Variants in SGIP1 observed in about 807,000 individuals in gnomAD.
SGIP1 encodes the protein SH3-containing GRB2-like protein 3-interacting protein 1.
A neutral mutation model predicts 107.5 loss-of-function variants in SGIP1; 38 were observed. The ratio of observed to expected loss-of-function variants is 0.35; its 90% CI spans 0.27 to 0.46. The LOEUF (loss-of-function observed/expected upper bound fraction) is 0.46, where lower values mean the gene tolerates loss of function less well. Ranked by LOEUF, SGIP1 falls within the 20% of genes least tolerant of loss-of-function variation. The pLI is 1.00. For synonymous variants in SGIP1, 365 were observed against 366.1 expected (o/e 1.00, Z 0.03); for missense variants, 929 against 1,019.5 (o/e 0.91, Z 1.21).
chr1:66,634,958 C>T (rs759518947), intron 3 of SGIP1, among the ~76,000 whole-genome samples: 8 of 152,204 alleles, frequency 5.3e-5, no homozygotes, highest in Non-Finnish European at 7.3e-5. Context: ...TCCTTCAGCC[C>T]TTGTTTCTAT....
At chr1:66,717,023 C>T (rs1028046356) in intron 18 of SGIP1, among the ~76,000 whole-genome samples, 12 of 152,146 alleles carry the variant, frequency 7.9e-5, no homozygotes. Context: ...TATCTTCATC[C>T]TCAGACCTCA....
chr1:66,639,077 C>G (rs1453763116), intron 4 of SGIP1, among the ~76,000 whole-genome samples: 2 of 152,166 alleles, frequency 1.3e-5, no homozygotes, highest in Non-Finnish European at 1.5e-5. Flanking sequence ...ACAAAGAAAA[C>G]TTTAAGAAGA....
Position 66,750,036 on chromosome 1 carries a change from GGTGTGTGT to G in SGIP1, c.*6966_*6973del, listed in dbSNP as rs1197339481. Among the ~76,000 whole-genome samples the G allele has an allele frequency of 8.4e-5, 10 of 119,044 alleles. No homozygotes were observed. Among genetic ancestry groups the G allele is most frequent in the South Asian group, 2.7e-4 (1 of 3,674 alleles). The allele number at this position is 119,044 out of a possible 152,430, so 78.1% of individuals were successfully genotyped here. A position where few individuals can be genotyped will look rare whatever the true frequency, so the allele number is the denominator to read the frequency against. Reference sequence around the variant, plus strand: ...CTCTCTTTCTCTGTGTGTGTGTGGGGGTGTGTGTGTGTGTGTGTGTGTGTGTGTGTGTC... The same window carrying G: ...CTCTCTTTCTCTGTGTGTGTGTGGGGGTGTGTGTGTGTGTGTGTGTGTGTC... On this transcript the variant is annotated 3_prime_UTR_variant, in exon 25 of 25. Coordinates refer to ENST00000371037, the MANE Select transcript of SGIP1 (RefSeq NM_032291.4).
rs144496057 is a variant in SGIP1, at chr1:66,592,115, C to G, written c.11-33732C>G. ...AAGAGGCCTTCCTCTTTCACTAATC[C>G]TCCTCAGCACAGACCCTTTACCGAT... On this transcript the variant is annotated intron_variant, in intron 1 of 24. Coordinates refer to ENST00000371037, the MANE Select transcript of SGIP1 (RefSeq NM_032291.4). 4.5e-4 allele frequency among the ~76,000 whole-genome samples: 69 copies of G among 152,270 alleles called. No individual in the cohort carries two copies. In the East Asian group the frequency reaches 0.012, roughly 27 times the overall value.
intron 3 of SGIP1, 28 bp from the exon 4 acceptor site, chr1:66,635,916 T>C: frequency 6.2e-7 from 1 of 1,611,292 alleles, no homozygotes; most frequent in Non-Finnish European, 8.5e-7. Flanking sequence ...TTAACCACTT[T>C]TTTCTACATG....
At chr1:66,684,064 A>C (rs1378357267) in intron 15 of SGIP1, 4 of 1,549,062 alleles carry the variant, frequency 2.6e-6, no homozygotes, top group East Asian at 2.4e-5. Flanking sequence ...ATTTCATACA[A>C]CACCACCCTG....
intron 1 of SGIP1, among the ~76,000 whole-genome samples, chr1:66,616,482 A>G (rs1318263886): frequency 6.6e-6 from 1 of 152,176 alleles, no homozygotes. Flanking sequence ...AAACCTTACA[A>G]AAACCTTTTA....
chr1:66,673,197 A>C, intron 11 of SGIP1, 84 bp from the exon 12 acceptor site: 1 of 1,414,438 alleles, frequency 7.1e-7, no homozygotes, highest in Non-Finnish European at 1.0e-6. Flanking sequence ...TTCACTAAGA[A>C]AAATATGTGA....
chr1:66,595,689 T>A (rs1292226144), intron 1 of SGIP1, among the ~76,000 whole-genome samples: 1 of 152,202 alleles, frequency 6.6e-6, no homozygotes, highest in African/African-American at 2.4e-5. Flanking sequence ...TAAGAGTGAT[T>A]AATTAAACAA....
chr1:66,604,410 A>C (rs1302499258), intron 1 of SGIP1, among the ~76,000 whole-genome samples: 6 of 152,232 alleles, frequency 3.9e-5, no homozygotes, highest in Non-Finnish European at 8.8e-5. Flanking sequence ...ACAACATAGC[A>C]TACTACCAAG....
Position 66,747,732 on chromosome 1 carries a change from A to G in SGIP1, c.*4637A>G, listed in dbSNP as rs1467215778. 6.6e-6 allele frequency: 1 copy of G among 151,974 alleles called. No individual in the cohort carries two copies. The highest frequency in any genetic ancestry group is 1.5e-5 in the Non-Finnish European group (1 of 67,852). 9.4% of individuals were successfully genotyped at this position (151,974 alleles called of 1,614,324 possible). On this transcript the variant is annotated 3_prime_UTR_variant, in exon 25 of 25. Transcript: ENST00000371037. ...AACCACAGGCTGTAAATTAAATTGA[A>G]CAATACAGTAGAATATGCAGATACA...
chr1:66,568,625 A>C (rs185590471), intron 1 of SGIP1, among the ~76,000 whole-genome samples: 1 of 151,892 alleles, frequency 6.6e-6, no homozygotes, highest in Non-Finnish European at 1.5e-5. Context: ...GATATCAGCT[A>C]TTGGTTTGTC....
At chr1:66,546,748 G>A (rs932639697) in intron 1 of SGIP1, among the ~76,000 whole-genome samples, 2 of 152,188 alleles carry the variant, frequency 1.3e-5, no homozygotes, top group African/African-American at 4.8e-5. Context: ...ATTGGGGAAA[G>A]AAAGCAAGGT....
intron 1 of SGIP1, among the ~76,000 whole-genome samples, chr1:66,608,849 T>C (rs1239390086): frequency 6.6e-6 from 1 of 152,228 alleles, no homozygotes; most frequent in East Asian, 1.9e-4. Flanking sequence ...TGCTTCTTCA[T>C]TTACTTTGCT....
chr1:66,563,761 C>G (rs1170170421), intron 1 of SGIP1, among the ~76,000 whole-genome samples: 1 of 151,902 alleles, frequency 6.6e-6, no homozygotes, highest in Non-Finnish European at 1.5e-5. Flanking sequence ...TTCATCTGAT[C>G]TCCCTTCTAA....
intron 9 of SGIP1, among the ~76,000 whole-genome samples, chr1:66,668,860 C>T (rs2083161941): frequency 6.6e-6 from 1 of 152,188 alleles, no homozygotes. Flanking sequence ...AACAAACAAG[C>T]ATTGAAAGGG....
chr1:66,534,858 C>T (rs1349519261), intron 1 of SGIP1, among the ~76,000 whole-genome samples: 1 of 152,136 alleles, frequency 6.6e-6, no homozygotes, highest in Non-Finnish European at 1.5e-5. Context: ...CTGCAGTTTA[C>T]ATCATATTAT....
chr1:66,672,071 G>A lies in SGIP1; in HGVS notation c.560+76G>A. 2.2e-6 allele frequency: 3 copies of A among 1,381,878 alleles called. No individual in the cohort carries two copies. In the South Asian group the frequency reaches 3.6e-5, roughly 17 times the overall value. 85.6% of individuals were successfully genotyped at this position (1,381,878 alleles called of 1,614,324 possible). A position where few individuals can be genotyped will look rare whatever the true frequency, so the allele number is the denominator to read the frequency against. ...TAACAATTAAGCAAATCTCCTTTGA[G>A]CTAAACTCTCAGCTCCCATTAACAA... On this transcript the variant is annotated intron_variant, in intron 11 of 24. Transcript: ENST00000371037.
intron 10 of SGIP1, 51 bp from the exon 11 acceptor site, chr1:66,671,893 T>A: frequency 6.5e-7 from 1 of 1,540,774 alleles, no homozygotes; most frequent in African/African-American, 1.4e-5. Flanking sequence ...ATAAGACATA[T>A]CAGGGAATGG....
Sources: allele counts gnomAD v4.1 joint callset (sites outside exome capture counted in the v4.1 genomes callset), GRCh38; gene constraint gnomAD v4.1.1; transcripts MANE v1.5; gene names NCBI Gene and HGNC (gene_info 2026-07-23, HGNC 2026-07-21).